Variants in PIK3CG observed in about 807,000 individuals in gnomAD.
The protein encoded by PIK3CG is phosphatidylinositol 4,5-bisphosphate 3-kinase catalytic subunit gamma isoform.
PIK3CG carries 55 observed loss-of-function variants against 102.3 expected under a neutral mutation model. That is an observed-to-expected ratio of 0.54 (90% CI 0.43 to 0.67). The LOEUF is 0.67. Among genes scored for constraint, PIK3CG ranks in the 30% least tolerant of loss-of-function variants. The pLI is 0.00. For synonymous variants in PIK3CG, 552 were observed against 540.0 expected (o/e 1.02, Z -0.31); for missense variants, 1,258 against 1,391.8 (o/e 0.90, Z 1.53).
rs1790780986 is a variant in PIK3CG, at chr7:106,877,249, T to A, written c.2392-2270T>A. 6.6e-6 allele frequency among the ~76,000 whole-genome samples: 1 copy of A among 152,166 alleles called. No individual in the cohort carries two copies. Among genetic ancestry groups the A allele is most frequent in the African/African-American group, 2.4e-5 (1 of 41,438 alleles). On this transcript the variant is annotated intron_variant, in intron 5 of 10. Coordinates refer to ENST00000496166, the MANE Select transcript of PIK3CG (RefSeq NM_001282426.2). The surrounding 1 kb of genome is among the most constrained non-coding windows in gnomAD (Gnocchi z 4.5). ...AATCCAGTGCCTCAGCCTGGGGTAA[T>A]CCCTCTGTCTGCCAAGGGACATTTG...
rs1249525497 is a variant in PIK3CG, at chr7:106,874,858, G to T, written c.2391+55G>T. Reference sequence around the variant, plus strand: ...TCTTTATGTCTTGAAGATGTCTAACGTGCTTGCTGGGGCCCAGTACTTAAA... The same window carrying T: ...TCTTTATGTCTTGAAGATGTCTAACTTGCTTGCTGGGGCCCAGTACTTAAA... On this transcript the variant is annotated intron_variant, in intron 5 of 10. Transcript: ENST00000496166. This position sits in a 1 kb window ranked among gnomAD's most constrained non-coding sequence, Gnocchi z 4.3. The T allele has an allele frequency of 8.6e-7, 1 of 1,158,194 alleles. No individual in the cohort carries two copies. Among genetic ancestry groups the T allele is most frequent in the Non-Finnish European group, 1.3e-6 (1 of 777,348 alleles). The allele number at this position is 1,158,194 out of a possible 1,614,324, so 71.7% of individuals were successfully genotyped here.
chr7:106,867,903 G>C lies in PIK3CG; in HGVS notation c.342G>C (p.Gln114His), dbSNP rs2116425191. The change falls in exon 2 of 11, where the codon CAG becomes CAC. Residue 114 changes from glutamine (Q) to histidine (H), a missense_variant. Gln to His is a conservative substitution (Grantham distance 24). This residue lies in a region of PIK3CG where 832 missense variants were observed against 787.5 expected (regional missense o/e 1.06). Transcript: ENST00000496166. This position sits in a 1 kb window ranked among gnomAD's most constrained non-coding sequence, Gnocchi z 5.1. Reference sequence around the variant, plus strand: ...GGTACGAGATCTACGACAAGTACCAGGTGGTGCAGACTCTGGACTGCCTGC... The same window carrying C: ...GGTACGAGATCTACGACAAGTACCACGTGGTGCAGACTCTGGACTGCCTGC... ...GQWYEIYDKY[Q>H]VVQTLDCLRY... 6.2e-7 allele frequency: 1 copy of C among 1,613,310 alleles called. No homozygotes were observed. Among genetic ancestry groups the C allele is most frequent in the Non-Finnish European group, 8.5e-7 (1 of 1,179,980 alleles).
At chr7:106,871,023 A>G (rs1409859088) in intron 2 of PIK3CG, among the ~76,000 whole-genome samples, 1 of 152,246 alleles carries the variant, frequency 6.6e-6, no homozygotes, top group Admixed American at 6.5e-5. Context: ...CATGTTCACA[A>G]GTAAACTTTA....
Position 106,868,596 on chromosome 7 carries a change from C to T in PIK3CG, c.1035C>T (p.Asp345=), listed in dbSNP as rs146443908. ...AGCAGCTTACCATCCACGGCAAGGA[C>T]CACGAGAGTGTGTTCACCGTGTCCC... ...YHEQLTIHGK[D]HESVFTVSLW... is the part of the protein sequence containing the mutation. Residue 345 remains aspartate, a synonymous_variant, in exon 2 of 11, where the codon GAC becomes GAT. Coordinates refer to ENST00000496166, the MANE Select transcript of PIK3CG (RefSeq NM_001282426.2). This position sits in a 1 kb window ranked among gnomAD's most constrained non-coding sequence, Gnocchi z 6.2. The T allele has an allele frequency of 2.5e-5, 40 of 1,614,078 alleles. No individual in the cohort carries two copies. The highest frequency in any genetic ancestry group is 3.3e-5 in the Admixed American group (2 of 60,012).
At chr7:106,873,797 CT>C (rs1191615992) in intron 4 of PIK3CG, among the ~76,000 whole-genome samples, 1 of 152,018 alleles carries the variant, frequency 6.6e-6, no homozygotes, top group Non-Finnish European at 1.5e-5. Flanking sequence ...TTTCCAATAT[CT>C]TATTCCTACC....
At chr7:106,888,420 A>G (rs914573667) in intron 10 of PIK3CG, among the ~76,000 whole-genome samples, 1 of 152,148 alleles carries the variant, frequency 6.6e-6, no homozygotes, top group Non-Finnish European at 1.5e-5. Context: ...AAGTTTCAAA[A>G]TATGCTTTCA....
In PIK3CG at chr7:106,874,561, G is replaced by T. The variant is rs573196092; in HGVS notation, c.2288-139G>T. The stretch of plus-strand genomic sequence containing the variant: ...ATATGGTTAGCTCCTCAAAGGCAGG[G>T]CCCACCCACATTTCTCCTGCTCTAC... On this transcript the variant is annotated intron_variant, in intron 4 of 10. Coordinates refer to ENST00000496166, the MANE Select transcript of PIK3CG (RefSeq NM_001282426.2). This position sits in a 1 kb window ranked among gnomAD's most constrained non-coding sequence, Gnocchi z 4.3. 5.8e-4 allele frequency: 370 copies of T among 641,438 alleles called. No individual in the cohort carries two copies. The highest frequency in any genetic ancestry group is 8.5e-4 in the Non-Finnish European group (316 of 371,026). 39.7% of individuals were successfully genotyped at this position (641,438 alleles called of 1,614,324 possible).
intron 7 of PIK3CG, 192 bp from the exon 8 acceptor site, chr7:106,882,841 T>G (rs1384004332): frequency 2.0e-6 from 1 of 500,448 alleles, no homozygotes; most frequent in African/African-American, 2.0e-5. Context: ...CCCACACAAC[T>G]TCCATATCCT....
chr7:106,884,475 A>G lies in PIK3CG; in HGVS notation c.2872+209A>G, dbSNP rs540771331. On this transcript the variant is annotated intron_variant, in intron 9 of 10. Coordinates refer to ENST00000496166, the MANE Select transcript of PIK3CG (RefSeq NM_001282426.2). The surrounding 1 kb of genome is among the most constrained non-coding windows in gnomAD (Gnocchi z 4.2). ...TGTACCCATTAAACACTAACTCCCC[A>G]TGCCTCCCTCCTTTCAGAACGGAGT... Among the ~76,000 whole-genome samples, 110 of 152,202 alleles carry G rather than the reference A, an allele frequency of 7.2e-4. No individual in the cohort carries two copies. The Middle Eastern group carries it at 0.014, about 19-fold the overall frequency.
At chr7:106,896,280 A>C (rs1003260678) in intron 10 of PIK3CG, among the ~76,000 whole-genome samples, 1 of 152,162 alleles carries the variant, frequency 6.6e-6, no homozygotes, top group African/African-American at 2.4e-5. Flanking sequence ...CCTCAGGTTA[A>C]TTTCCCTCCT....
rs1329168793 is a variant in PIK3CG, at chr7:106,891,078, T to C, written c.3030+4786T>C. Among the ~76,000 whole-genome samples the C allele has an allele frequency of 1.3e-5, 2 of 152,250 alleles. No individual in the cohort carries two copies. The highest frequency in any genetic ancestry group is 2.9e-5 in the Non-Finnish European group (2 of 68,036). On this transcript the variant is annotated intron_variant, in intron 10 of 10. Transcript: ENST00000496166. The surrounding 1 kb of genome is among the most constrained non-coding windows in gnomAD (Gnocchi z 4.4). The stretch of plus-strand genomic sequence containing the variant: ...GTCTTTCCCTATCCCAACTGTGAGC[T>C]CTGTGCAGCAGGGCCACATGTGTCC...
At position 106,899,135 on chromosome 7, in the gene PIK3CG, C is replaced by T. The variant is rs925616750; in HGVS notation, c.3031-5974C>T. The stretch of plus-strand genomic sequence containing the variant: ...TTATTCTTTTTGTGGCAATTGTGAA[C>T]GGGATTGCCTTTCTGATTTGGCTCT... On this transcript the variant is annotated intron_variant, in intron 10 of 10. Transcript: ENST00000496166. The surrounding 1 kb of genome is among the most constrained non-coding windows in gnomAD (Gnocchi z 4.6). Among the ~76,000 whole-genome samples the T allele has an allele frequency of 2.6e-5, 4 of 151,942 alleles. No individual in the cohort carries two copies. Among genetic ancestry groups the T allele is most frequent in the South Asian group, 2.1e-4 (1 of 4,816 alleles).
At position 106,879,370 on chromosome 7, in the gene PIK3CG, C is replaced by G. The variant is rs1584329872; in HGVS notation, c.2392-149C>G. 1 of 720,402 alleles carries G rather than the reference C, an allele frequency of 1.4e-6. No homozygotes were observed. Among genetic ancestry groups the G allele is most frequent in the East Asian group, 2.7e-5 (1 of 37,662 alleles). The allele number at this position is 720,402 out of a possible 1,614,324, so 44.6% of individuals were successfully genotyped here. ...TTTCCAGATTTGCTCAAAACAACTT[C>G]TGTATTTTTACCCAAATATTGAAAA... is the stretch of plus-strand genomic sequence containing the variant. On this transcript the variant is annotated intron_variant, in intron 5 of 10. Coordinates refer to ENST00000496166, the MANE Select transcript of PIK3CG (RefSeq NM_001282426.2). This position sits in a 1 kb window ranked among gnomAD's most constrained non-coding sequence, Gnocchi z 4.9.
At chr7:106,898,480 T>C (rs967786542) in intron 10 of PIK3CG, among the ~76,000 whole-genome samples, 4 of 152,234 alleles carry the variant, frequency 2.6e-5, no homozygotes, top group South Asian at 2.1e-4. Context: ...TGGTATTGCC[T>C]AGGTTGTCTT....
rs1318495862 is a variant in PIK3CG at position 106,879,841 on chromosome 7, A to G, written c.2538+176A>G. ...GGAATTTGGCTGCAGACTATTAGAT[A>G]TGCAATCTAATGAGCATTATGGTTC... On this transcript the variant is annotated intron_variant, in intron 6 of 10. Transcript: ENST00000496166. The surrounding 1 kb of genome is among the most constrained non-coding windows in gnomAD (Gnocchi z 4.9). Among the ~76,000 whole-genome samples, 2 of 152,232 alleles carry G rather than the reference A, an allele frequency of 1.3e-5. No homozygotes were observed. Among genetic ancestry groups the G allele is most frequent in the African/African-American group, 4.8e-5 (2 of 41,456 alleles).
At position 106,906,763 on chromosome 7, in the gene PIK3CG, AAT is replaced by A. The variant is rs1791691997; in HGVS notation, c.*1382_*1383del. 2 of 225,672 alleles carry A rather than the reference AAT, an allele frequency of 8.9e-6. No homozygotes were observed. Among genetic ancestry groups the A allele is most frequent in the South Asian group, 3.6e-4 (2 of 5,480 alleles). The allele number at this position is 225,672 out of a possible 1,614,324, so 14.0% of individuals were successfully genotyped here. ...CTCTGTTTAAGTATAATCAGATATA[AAT>A]ATATACTTAATTTTTTAATTTTAAA... On this transcript the variant is annotated 3_prime_UTR_variant, in exon 11 of 11. Coordinates refer to ENST00000496166, the MANE Select transcript of PIK3CG (RefSeq NM_001282426.2).
chr7:106,866,276 T>C (rs1256603670), intron 1 of PIK3CG, among the ~76,000 whole-genome samples: 1 of 152,248 alleles, frequency 6.6e-6, no homozygotes, highest in African/African-American at 2.4e-5. Flanking sequence ...GTTTAGAATA[T>C]AATGTATTAC....
intron 4 of PIK3CG, among the ~76,000 whole-genome samples, chr7:106,873,454 T>C (rs568159822): frequency 3.3e-5 from 5 of 152,124 alleles, no homozygotes; most frequent in African/African-American, 1.2e-4. Context: ...GGGAAAAAAA[T>C]TGCATCTGCA....
chr7:106,896,430 C>T (rs552859522), intron 10 of PIK3CG, among the ~76,000 whole-genome samples: 106 of 152,262 alleles, frequency 7.0e-4, no homozygotes, highest in African/African-American at 2.4e-3. Context: ...AAAGGCGTCC[C>T]CATCTATGTC....
Sources: allele counts gnomAD v4.1 joint callset (sites outside exome capture counted in the v4.1 genomes callset), GRCh38; gene constraint gnomAD v4.1.1; regional missense constraint gnomAD v4.1.1; non-coding constraint Gnocchi (gnomAD v3.1); transcripts MANE v1.5; gene names NCBI Gene and HGNC (gene_info 2026-07-23, HGNC 2026-07-21).